The following THRB variants were observed in gnomAD, a reference collection of about 807,000 sequenced individuals.
The protein encoded by THRB is nuclear receptor subfamily 1 group A member 2.
Under a neutral mutation model 47.8 loss-of-function variants are expected in THRB, and 12 were observed. The ratio of observed to expected loss-of-function variants is 0.25; its 90% confidence interval spans 0.16 to 0.41. THRB has a LOEUF of 0.41. Ranked by LOEUF, THRB falls within the 10% of genes least tolerant of loss-of-function variation. The probability of loss-of-function intolerance (pLI) is 1.00; values close to 1 mark genes in which losing one functional copy is unlikely to be tolerated. For missense variants in THRB, 348 were observed against 589.2 expected (o/e 0.59, Z 4.24); for synonymous variants, 218 against 212.2 (o/e 1.03, Z -0.24).
At chr3:24,135,590 T>G (rs1406853679) in intron 8 of THRB, among the ~76,000 whole-genome samples, 4 of 152,032 alleles carry the variant, frequency 2.6e-5, no homozygotes, top group Non-Finnish European at 4.4e-5. Flanking sequence ...ATGTACAGCC[T>G]CCTTCTACTT....
At chr3:24,207,178 C>A (rs1367617493) in intron 4 of THRB, among the ~76,000 whole-genome samples, 1 of 152,122 alleles carries the variant, frequency 6.6e-6, no homozygotes, top group South Asian at 2.1e-4. Flanking sequence ...CAAAGCCTGG[C>A]CGAGACACAA....
At chr3:24,220,618 CT>C (rs2149996588) in intron 4 of THRB, among the ~76,000 whole-genome samples, 1 of 152,250 alleles carries the variant, frequency 6.6e-6, no homozygotes, top group East Asian at 1.9e-4. Context: ...TGAAGTTGTT[CT>C]AGAAGCAATT....
intron 1 of THRB, among the ~76,000 whole-genome samples, chr3:24,431,300 A>G (rs1305324163): frequency 6.8e-6 from 1 of 147,952 alleles, no homozygotes. Context: ...ACACACACAC[A>G]TTTATAATTA....
intron 4 of THRB, among the ~76,000 whole-genome samples, chr3:24,207,340 C>T (rs2045495995): frequency 2.0e-5 from 3 of 152,182 alleles, no homozygotes; most frequent in Non-Finnish European, 2.9e-5. Context: ...GCTGGTTCAA[C>T]TTACGCAAAT....
chr3:24,449,018 T>C (rs1336315555), intron 1 of THRB, among the ~76,000 whole-genome samples: 2 of 152,128 alleles, frequency 1.3e-5, no homozygotes, highest in Non-Finnish European at 2.9e-5. Flanking sequence ...CAGGAATGGC[T>C]TGAGTTTGAA....
At chr3:24,296,818 T>C (rs996029289) in intron 3 of THRB, among the ~76,000 whole-genome samples, 2 of 152,210 alleles carry the variant, frequency 1.3e-5, no homozygotes. Context: ...CCACACACTT[T>C]AGGTTTGAGT....
At position 24,256,536 on chromosome 3, in the gene THRB, T is replaced by C. The variant is rs138272922; in HGVS notation, c.-42-27535A>G. ...GAAGATATATTAATAATAATAATGA[T>C]AGTAATTTGTTTTTGAGAGAGGGAA... On this transcript the variant is annotated intron_variant, in intron 3 of 10. Coordinates refer to ENST00000646209, the MANE Select transcript of THRB (RefSeq NM_001354712.2). Among the ~76,000 whole-genome samples, 1,292 of 152,208 alleles carry C rather than the reference T, an allele frequency of 8.5e-3. 7 individuals are homozygous for C. The highest frequency in any genetic ancestry group is 0.01 in the Non-Finnish European group (693 of 68,000).
At position 24,202,365 on chromosome 3, in the gene THRB, T is replaced by A. The variant is rs189001031; in HGVS notation, c.23-12031A>T. On this transcript the variant is annotated intron_variant, in intron 4 of 10. Coordinates refer to ENST00000646209, the MANE Select transcript of THRB (RefSeq NM_001354712.2). ...TGATATTTGAACCCTACACCTCAAA[T>A]ACTAAGAGCTGTTTTTGTAATTAAG... Among the ~76,000 whole-genome samples the A allele has an allele frequency of 1.6e-4, 24 of 152,310 alleles. 1 individual carries two copies. In the East Asian group the frequency reaches 4.4e-3, roughly 28 times the overall value.
intron 1 of THRB, among the ~76,000 whole-genome samples, chr3:24,346,389 G>A (rs74399645): frequency 0.02 from 3,099 of 151,860 alleles, 41 homozygotes; most frequent in Middle Eastern, 0.038. Flanking sequence ...TTCAAAATAT[G>A]GTAACAAAGG....
intron 3 of THRB, among the ~76,000 whole-genome samples, chr3:24,274,489 A>T (rs993508304): frequency 2.6e-5 from 4 of 152,200 alleles, no homozygotes; most frequent in African/African-American, 9.7e-5. Flanking sequence ...TCAAGAAGCC[A>T]GGAATGAGTA....
intron 5 of THRB, among the ~76,000 whole-genome samples, chr3:24,164,740 C>T (rs537037562): frequency 8.5e-5 from 13 of 152,254 alleles, no homozygotes; most frequent in Non-Finnish European, 1.5e-4. Context: ...TATTTTCTTT[C>T]GCAAAGAAGC....
Position 24,265,276 on chromosome 3 carries a change from G to A in THRB, c.-43+31950C>T, listed in dbSNP as rs116455881. 7.2e-3 allele frequency among the ~76,000 whole-genome samples: 1,088 copies of A among 151,842 alleles called. 14 individuals carry two copies. Among genetic ancestry groups the A allele is most frequent in the African/African-American group, 0.025 (1,020 of 41,376 alleles). On this transcript the variant is annotated intron_variant, in intron 3 of 10. Transcript: ENST00000646209. Reference sequence around the variant, plus strand: ...CCAGGCCTTTCTGATCCTGGAGTTTGTTCACTGAATCACTATGCTACTTTG... The same window carrying A: ...CCAGGCCTTTCTGATCCTGGAGTTTATTCACTGAATCACTATGCTACTTTG...
intron 3 of THRB, among the ~76,000 whole-genome samples, chr3:24,233,854 T>C (rs1391550007): frequency 6.6e-6 from 1 of 152,222 alleles, no homozygotes; most frequent in Non-Finnish European, 1.5e-5. Context: ...AGAGATGCTG[T>C]TGGAGACTGC....
At chr3:24,378,570 T>G (rs943313590) in intron 1 of THRB, among the ~76,000 whole-genome samples, 2 of 152,156 alleles carry the variant, frequency 1.3e-5, no homozygotes, top group Non-Finnish European at 2.9e-5. Flanking sequence ...CACTGTTATC[T>G]GTTTCCTGCC....
intron 1 of THRB, among the ~76,000 whole-genome samples, chr3:24,487,078 G>C (rs973096855): frequency 2.6e-5 from 4 of 152,136 alleles, no homozygotes. Flanking sequence ...AAATTTAGCA[G>C]GACTTTTGCA....
intron 1 of THRB, among the ~76,000 whole-genome samples, chr3:24,477,924 G>A (rs1009004226): frequency 1.3e-5 from 2 of 149,842 alleles, no homozygotes; most frequent in African/African-American, 4.9e-5. Context: ...ACTAGATCAG[G>A]CAAAGCAGAA....
chr3:24,243,328 C>T (rs1394064922), intron 3 of THRB, among the ~76,000 whole-genome samples: 10 of 152,042 alleles, frequency 6.6e-5, no homozygotes, highest in Non-Finnish European at 1.0e-4. Context: ...GCTCCTGTCA[C>T]CCCTCTGCTC....
At chr3:24,399,158 C>T (rs1187459945) in intron 1 of THRB, among the ~76,000 whole-genome samples, 1 of 151,186 alleles carries the variant, frequency 6.6e-6, no homozygotes, top group African/African-American at 2.4e-5. Context: ...AGCACACCAA[C>T]ATGGCACATG....
intron 3 of THRB, among the ~76,000 whole-genome samples, chr3:24,258,111 G>C (rs1559754203): frequency 6.6e-6 from 1 of 152,200 alleles, no homozygotes; most frequent in Non-Finnish European, 1.5e-5. Context: ...AGAAGAGAGG[G>C]AGGAGAATGA....
Sources: allele counts gnomAD v4.1 joint callset (sites outside exome capture counted in the v4.1 genomes callset), GRCh38; gene constraint gnomAD v4.1.1; transcripts MANE v1.5; gene names NCBI Gene and HGNC (gene_info 2026-07-23, HGNC 2026-07-21).